The following C9orf153 variants were observed in gnomAD, a reference collection of about 807,000 sequenced individuals.
C9orf153 encodes the protein chromosome 9 open reading frame 153, also known as uncharacterized protein C9orf153.
Under a neutral mutation model 9.0 loss-of-function variants are expected in C9orf153, and 10 were observed. The ratio of observed to expected loss-of-function variants is 1.11; its 90% CI spans 0.69 to 1.89. The LOEUF (loss-of-function observed/expected upper bound fraction) is 1.89, where lower values mean the gene tolerates loss of function less well. Among genes scored for constraint, C9orf153 ranks in the 40% most tolerant of loss-of-function variants. The pLI is 0.00. For missense variants in C9orf153, 108 were observed against 111.0 expected, an observed-to-expected ratio of 0.97 and a Z score of 0.12; for synonymous variants, 35 against 37.3, an observed-to-expected ratio of 0.94 and a Z score of 0.23.
At chr9:86,246,897 C>T (rs531089841) in intron 1 of C9orf153, among the ~76,000 whole-genome samples, 95 of 152,286 alleles carry the variant, frequency 6.2e-4, no homozygotes, top group Non-Finnish European at 1.0e-3. Context: ...CTTTTGAAAA[C>T]GGAGTAGCAA....
At chr9:86,246,322 AG>A (rs1186583304) in intron 1 of C9orf153, among the ~76,000 whole-genome samples, 1 of 152,156 alleles carries the variant, frequency 6.6e-6, no homozygotes, top group Admixed American at 6.5e-5. Flanking sequence ...TCTGTCACTG[AG>A]GGGTGAAGGA....
Position 86,227,996 on chromosome 9 carries a change from T to C in C9orf153, c.101A>G (p.Asn34Ser), listed in dbSNP as rs1824379817. 1 of 1,612,240 alleles carries C rather than the reference T, an allele frequency of 6.2e-7. No individual in the cohort carries two copies. Among genetic ancestry groups the C allele is most frequent in the East Asian group, 2.2e-5 (1 of 44,776 alleles). The part of the protein sequence containing the change: ...PELYACIENF[N>S]KESKKSNLLK... The stretch of plus-strand genomic sequence containing the variant: ...AAGATTTGATTTCTTGCTCTCCTTA[T>C]TAAAATTCTCAATACATGCATATAA... The change falls in exon 3 of 4, where the codon AAT (asparagine) becomes AGT (serine). Residue 34 changes from asparagine (N) to serine (S), a missense_variant. Transcript: ENST00000339137.
At chr9:86,244,144 A>C (rs1013006760) in intron 1 of C9orf153, among the ~76,000 whole-genome samples, 1 of 152,254 alleles carries the variant, frequency 6.6e-6, no homozygotes, top group East Asian at 1.9e-4. Context: ...AGGGATTTTC[A>C]TATCAATTAC....
chr9:86,243,024 AAG>A (rs1173857020), intron 1 of C9orf153, among the ~76,000 whole-genome samples: 1 of 152,206 alleles, frequency 6.6e-6, no homozygotes, highest in African/African-American at 2.4e-5. Context: ...GAAGGCATGA[AAG>A]AGGGGCTTTG....
chr9:86,222,567 G>T (rs1048427639), intron 3 of C9orf153, among the ~76,000 whole-genome samples: 1 of 152,062 alleles, frequency 6.6e-6, no homozygotes, highest in African/African-American at 2.4e-5. Context: ...GTCATTAGCA[G>T]TTACAATTCC....
intron 1 of C9orf153, among the ~76,000 whole-genome samples, chr9:86,251,942 C>CACACACACACACACACGAGA (rs367793280): frequency 6.7e-6 from 1 of 149,644 alleles, no homozygotes; most frequent in African/African-American, 2.5e-5. Flanking sequence ...CACACACACA[C>CACACACACACACACACGAGA]GAGAGAGAGA....
chr9:86,257,081 C>A (rs1825136395), intron 1 of C9orf153, among the ~76,000 whole-genome samples: 1 of 152,210 alleles, frequency 6.6e-6, no homozygotes, highest in Non-Finnish European at 1.5e-5. Flanking sequence ...ACTACCTCTT[C>A]TTTTTTCCCT....
At chr9:86,241,439 T>C (rs1824741774) in intron 1 of C9orf153, among the ~76,000 whole-genome samples, 1 of 152,170 alleles carries the variant, frequency 6.6e-6, no homozygotes, top group Admixed American at 6.5e-5. Context: ...GGGAGATTGT[T>C]ATCAAACTGA....
chr9:86,225,625 AT>A (rs923530527), intron 3 of C9orf153, among the ~76,000 whole-genome samples: 1 of 151,818 alleles, frequency 6.6e-6, no homozygotes, highest in Non-Finnish European at 1.5e-5. Context: ...CGCCCAGCTA[AT>A]TTTTTTGTAT....
chr9:86,248,446 T>G (rs1408418546), intron 1 of C9orf153, among the ~76,000 whole-genome samples: 1 of 152,196 alleles, frequency 6.6e-6, no homozygotes, highest in Non-Finnish European at 1.5e-5. Context: ...TTTTTTCTAC[T>G]TTTATTTTAG....
intron 1 of C9orf153, among the ~76,000 whole-genome samples, chr9:86,238,164 T>C (rs1824642945): frequency 6.6e-6 from 1 of 151,710 alleles, no homozygotes; most frequent in Non-Finnish European, 1.5e-5. Flanking sequence ...AAGAAGAAAA[T>C]AGAGGGACCC....
chr9:86,227,637 G>T, intron 3 of C9orf153: 1 of 985,288 alleles, frequency 1.0e-6, no homozygotes. Flanking sequence ...AAGATTTTGG[G>T]GCTTGGAACC....
chr9:86,256,491 G>A (rs191543987), intron 1 of C9orf153, among the ~76,000 whole-genome samples: 209 of 152,274 alleles, frequency 1.4e-3, no homozygotes, highest in Admixed American at 4.5e-3. Context: ...TGTCATCTTC[G>A]TGGAAAATGC....
chr9:86,231,733 A>G (rs1372313540), intron 1 of C9orf153, among the ~76,000 whole-genome samples: 1 of 151,974 alleles, frequency 6.6e-6, no homozygotes, highest in African/African-American at 2.4e-5. Flanking sequence ...AATACAGTGC[A>G]GCATGCCTGC....
intron 1 of C9orf153, among the ~76,000 whole-genome samples, chr9:86,230,959 G>A (rs190523574): frequency 2.6e-5 from 4 of 152,192 alleles, no homozygotes; most frequent in Non-Finnish European, 5.9e-5. Context: ...CAGTGACATA[G>A]TGTGAGTGCC....
chr9:86,225,413 CCTTCCT>C (rs1408930658), intron 3 of C9orf153, among the ~76,000 whole-genome samples: 123 of 828 alleles, frequency 0.15, no homozygotes, highest in Admixed American at 0.33. Context: ...CTCTCTCTCT[CCTTCCT>C]TCCTTCCTTC....
At chr9:86,247,019 A>C (rs1230269743) in intron 1 of C9orf153, among the ~76,000 whole-genome samples, 1 of 152,204 alleles carries the variant, frequency 6.6e-6, no homozygotes, top group Non-Finnish European at 1.5e-5. Flanking sequence ...GCGAGTTCAC[A>C]CGGGTCTCTT....
intron 1 of C9orf153, among the ~76,000 whole-genome samples, chr9:86,256,040 G>A (rs1176988820): frequency 2.0e-5 from 3 of 152,148 alleles, no homozygotes; most frequent in Non-Finnish European, 4.4e-5. Context: ...TTTGCTTGAC[G>A]CAGTGAGTCC....
intron 1 of C9orf153, among the ~76,000 whole-genome samples, chr9:86,238,081 A>G (rs1323060757): frequency 6.6e-6 from 1 of 152,096 alleles, no homozygotes; most frequent in Non-Finnish European, 1.5e-5. Context: ...AGAGACTTTG[A>G]CGAAAAACCA....
Sources: allele counts gnomAD v4.1 joint callset (sites outside exome capture counted in the v4.1 genomes callset), GRCh38; gene constraint gnomAD v4.1.1; transcripts MANE v1.5; gene names NCBI Gene and HGNC (gene_info 2026-07-23, HGNC 2026-07-21).